RGS7BP: variants seen among roughly 807,000 people sequenced by gnomAD.
RGS7BP encodes regulator of G protein signaling 7 binding protein, also known as regulator of G protein signaling 7-binding protein.
A neutral mutation model predicts 31.3 loss-of-function variants in RGS7BP; 9 were observed. The ratio of observed to expected loss-of-function variants is 0.29; its 90% confidence interval spans 0.17 to 0.50. The LOEUF (loss-of-function observed/expected upper bound fraction) is 0.50, where lower values mean the gene tolerates loss of function less well. RGS7BP is among the 20% of genes least tolerant of loss of function. The probability of loss-of-function intolerance (pLI) is 0.98; values close to 1 mark genes in which losing one functional copy is unlikely to be tolerated. For missense variants in RGS7BP, 274 were observed against 322.0 expected (o/e 0.85, Z 1.14); for synonymous variants, 115 against 120.1 (o/e 0.96, Z 0.28).
At chr5:64,515,405 A>T (rs1194287638) in intron 2 of RGS7BP, among the ~76,000 whole-genome samples, 1 of 152,196 alleles carries the variant, frequency 6.6e-6, no homozygotes, top group East Asian at 1.9e-4. Context: ...GTATCTTAGG[A>T]TTACTCATAA....
At chr5:64,587,314 C>A (rs1742785148) in intron 3 of RGS7BP, among the ~76,000 whole-genome samples, 1 of 152,118 alleles carries the variant, frequency 6.6e-6, no homozygotes, top group Admixed American at 6.6e-5. Context: ...TTTGAGAAAT[C>A]TGTCAAAGCT....
chr5:64,569,933 C>A (rs1340008730), intron 2 of RGS7BP, among the ~76,000 whole-genome samples: 2 of 152,150 alleles, frequency 1.3e-5, no homozygotes, highest in Non-Finnish European at 2.9e-5. Context: ...TAGCCAACAA[C>A]AGAATTGATT....
At chr5:64,562,495 T>C (rs1197287259) in intron 2 of RGS7BP, among the ~76,000 whole-genome samples, 2 of 152,150 alleles carry the variant, frequency 1.3e-5, no homozygotes, top group African/African-American at 2.4e-5. Flanking sequence ...GAAATTAAGA[T>C]AGAAACCCAG....
At chr5:64,538,181 TTC>T (rs1387119101) in intron 2 of RGS7BP, among the ~76,000 whole-genome samples, 22 of 152,188 alleles carry the variant, frequency 1.4e-4, no homozygotes, top group African/African-American at 4.1e-4. Flanking sequence ...TTTAACTTTT[TTC>T]TGTCTCCCTA....
chr5:64,517,555 T>A (rs1749008039), intron 2 of RGS7BP, among the ~76,000 whole-genome samples: 2 of 152,226 alleles, frequency 1.3e-5, no homozygotes, highest in African/African-American at 4.8e-5. Context: ...GGTTTCTATA[T>A]GTAAATCCAT....
intron 2 of RGS7BP, among the ~76,000 whole-genome samples, chr5:64,509,187 C>A (rs1748766769): frequency 6.6e-6 from 1 of 151,130 alleles, no homozygotes; most frequent in Non-Finnish European, 1.5e-5. Context: ...AAATCTCAGA[C>A]AAGGAGAGAG....
At chr5:64,556,527 G>T (rs1011324369) in intron 2 of RGS7BP, among the ~76,000 whole-genome samples, 1 of 150,742 alleles carries the variant, frequency 6.6e-6, no homozygotes, top group African/African-American at 2.4e-5. Flanking sequence ...TGGAAAATTT[G>T]TTACAATTTT....
At chr5:64,516,591 G>A (rs547597720) in intron 2 of RGS7BP, among the ~76,000 whole-genome samples, 2 of 152,292 alleles carry the variant, frequency 1.3e-5, no homozygotes, top group African/African-American at 4.8e-5. Context: ...ATTGCCTAAA[G>A]CAGTGTTTCT....
chr5:64,589,295 C>CA lies in RGS7BP; in HGVS notation c.464-5406dup, dbSNP rs1304041763. 5.3e-4 allele frequency among the ~76,000 whole-genome samples: 74 copies of CA among 140,350 alleles called. No homozygotes were observed. The South Asian group carries it at 0.01, about 20-fold the overall frequency. The allele number at this position is 140,350 out of a possible 152,430, so 92.1% of individuals were successfully genotyped here. A position where few individuals can be genotyped will look rare whatever the true frequency, so the allele number is the denominator to read the frequency against. On this transcript the variant is annotated intron_variant, in intron 3 of 5. Coordinates refer to ENST00000334025, the MANE Select transcript of RGS7BP (RefSeq NM_001029875.3). Reference sequence around the variant, plus strand: ...TGGGCAACAGAGACAGACTCTGTCTCAAAAAAAAACAAAAAAAAAAGTTAC... The same window carrying CA: ...TGGGCAACAGAGACAGACTCTGTCTCAAAAAAAAAACAAAAAAAAAAGTTAC...
At chr5:64,601,129 G>A (rs1007914531) in intron 5 of RGS7BP, among the ~76,000 whole-genome samples, 8 of 152,060 alleles carry the variant, frequency 5.3e-5, no homozygotes, top group African/African-American at 1.4e-4. Flanking sequence ...TGATTCTAAC[G>A]GGATGAAAAC....
At chr5:64,544,756 C>T (rs1741610477) in intron 2 of RGS7BP, among the ~76,000 whole-genome samples, 1 of 152,098 alleles carries the variant, frequency 6.6e-6, no homozygotes, top group Non-Finnish European at 1.5e-5. Flanking sequence ...AGAAGAAGAA[C>T]ATATACAAAG....
At chr5:64,526,036 T>G (rs988213993) in intron 2 of RGS7BP, among the ~76,000 whole-genome samples, 2 of 152,186 alleles carry the variant, frequency 1.3e-5, no homozygotes, top group Admixed American at 1.3e-4. Context: ...TAGGTCCTGA[T>G]GCTCACTGCA....
In RGS7BP at chr5:64,506,346, C is replaced by A. The variant is rs1298334975; in HGVS notation, c.-279C>A. ...GGAAGGCAGTGCGAGCCCGCGCCAGCGCCCAGCTCCCGGGACAGGGTCGGC... is the reference window on the plus strand; with the variant it reads ...GGAAGGCAGTGCGAGCCCGCGCCAGAGCCCAGCTCCCGGGACAGGGTCGGC... On this transcript the variant is annotated 5_prime_UTR_variant, in exon 1 of 6. Transcript: ENST00000334025. The surrounding 1 kb of genome is among the most constrained non-coding windows in gnomAD (Gnocchi z 4.6). 3 of 324,206 alleles carry A rather than the reference C, an allele frequency of 9.3e-6. No homozygotes were observed. Among genetic ancestry groups the A allele is most frequent in the Non-Finnish European group, 1.7e-5 (3 of 178,990 alleles). 20.1% of individuals were successfully genotyped at this position (324,206 alleles called of 1,614,324 possible).
intron 2 of RGS7BP, among the ~76,000 whole-genome samples, chr5:64,571,933 G>T (rs1470606860): frequency 1.3e-5 from 2 of 152,042 alleles, no homozygotes; most frequent in Non-Finnish European, 2.9e-5. Context: ...TAATCAAAAT[G>T]GTTAAGCTCT....
chr5:64,560,742 C>G lies in RGS7BP; in HGVS notation c.333-15032C>G, dbSNP rs73111067. Among the ~76,000 whole-genome samples the G allele has an allele frequency of 4.9e-3, 744 of 152,138 alleles. 10 individuals are homozygous for G. The highest frequency in any genetic ancestry group is 0.017 in the African/African-American group (700 of 41,524). On this transcript the variant is annotated intron_variant, in intron 2 of 5. Transcript: ENST00000334025. ...AATGTCATATATTTGCATTAATAATCTTCTCACTTCTAAAATGCTTTGCAA... is the reference window on the plus strand; with the variant it reads ...AATGTCATATATTTGCATTAATAATGTTCTCACTTCTAAAATGCTTTGCAA...
chr5:64,604,086 G>T (rs1002029480), intron 5 of RGS7BP, among the ~76,000 whole-genome samples: 4 of 152,132 alleles, frequency 2.6e-5, no homozygotes, highest in South Asian at 2.1e-4. Flanking sequence ...ACTCTGTTTT[G>T]GACTATCTCC....
chr5:64,512,235 C>T (rs1299849943), intron 2 of RGS7BP, among the ~76,000 whole-genome samples: 1 of 152,280 alleles, frequency 6.6e-6, no homozygotes, highest in Middle Eastern at 3.4e-3. Flanking sequence ...GAAAGATTTA[C>T]TCCAGATCTT....
rs777122402 is a variant in RGS7BP, at chr5:64,507,823, C to T, written c.278C>T (p.Thr93Ile). 6.2e-6 allele frequency: 10 copies of T among 1,613,990 alleles called. No homozygotes were observed. Among genetic ancestry groups the T allele is most frequent in the Admixed American group, 1.7e-5 (1 of 59,998 alleles). Residue 93 changes from threonine to isoleucine, a missense_variant, in exon 2 of 6, where the codon ACC becomes ATC. Thr to Ile is a moderately conservative substitution (Grantham distance 89, BLOSUM62 -1). Around this residue, in one of 3 missense-constraint regions of RGS7BP, gnomAD observed 149 missense variants for 152.6 expected, o/e 0.98. Coordinates refer to ENST00000334025, the MANE Select transcript of RGS7BP (RefSeq NM_001029875.3). ...CGGGCGGAAATGCACAAGACAAGAA[C>T]CAAAGGCTGTGAAATGGCCCGTCAG... ...SLRAEMHKTR[T>I]KGCEMARQAH... is the part of the protein sequence containing the mutation.
intron 2 of RGS7BP, among the ~76,000 whole-genome samples, chr5:64,515,014 A>G (rs1053770367): frequency 1.3e-5 from 2 of 152,222 alleles, no homozygotes; most frequent in African/African-American, 4.8e-5. Context: ...AGAAAATTAA[A>G]TCTAAAACTA....
Sources: allele counts gnomAD v4.1 joint callset (sites outside exome capture counted in the v4.1 genomes callset), GRCh38; gene constraint gnomAD v4.1.1; regional missense constraint gnomAD v4.1.1; non-coding constraint Gnocchi (gnomAD v3.1); transcripts MANE v1.5; gene names NCBI Gene and HGNC (gene_info 2026-07-23, HGNC 2026-07-21).